Variants in GLIS3 observed in about 807,000 individuals in gnomAD.
GLIS3 encodes the protein zinc finger protein GLIS3.
Under a neutral mutation model 78.6 loss-of-function variants are expected in GLIS3, and 53 were observed. The ratio of observed to expected loss-of-function variants is 0.67; its 90% CI spans 0.54 to 0.85. GLIS3 has a LOEUF of 0.85. Among genes scored for constraint, GLIS3 ranks in the 40% least tolerant of loss-of-function variants. The pLI is 0.00. For synonymous variants in GLIS3, 684 were observed against 509.9 expected (o/e 1.34, Z -4.60); for missense variants, 1,703 against 1,231.1 (o/e 1.38, Z -5.74).
intron 4 of GLIS3, among the ~76,000 whole-genome samples, chr9:4,044,715 G>C (rs1159714985): frequency 6.6e-6 from 1 of 152,190 alleles, no homozygotes; most frequent in South Asian, 2.1e-4. Flanking sequence ...ACTGCTCACA[G>C]TACTGTCACA....
intron 7 of GLIS3, among the ~76,000 whole-genome samples, chr9:3,895,547 C>G (rs532475559): frequency 6.6e-6 from 1 of 152,148 alleles, no homozygotes; most frequent in African/African-American, 2.4e-5. Context: ...TAACCTGGGA[C>G]GCTATTATCT....
At chr9:4,365,092 C>A in the GLIS3 span, among the ~76,000 whole-genome samples, 1 of 152,094 alleles carries the variant, frequency 6.6e-6, no homozygotes, top group Admixed American at 6.5e-5. Context: ...TTCAGAGGAT[C>A]CTGTTCCTGG....
intron 2 of GLIS3, among the ~76,000 whole-genome samples, chr9:4,329,762 A>G (rs573066596): frequency 6.6e-6 from 1 of 152,204 alleles, no homozygotes; most frequent in South Asian, 2.1e-4. Context: ...TACCTCTAGC[A>G]ATGGGGAACT....
chr9:4,151,940 A>AATGAG (rs1252763416), intron 2 of GLIS3: 1 of 155,770 alleles, frequency 6.4e-6, no homozygotes, highest in Non-Finnish European at 1.4e-5. Context: ...CATAAAAAAG[A>AATGAG]ATGAGAAGAC....
At chr9:4,203,023 A>G (rs1342916144) in intron 2 of GLIS3, among the ~76,000 whole-genome samples, 1 of 152,242 alleles carries the variant, frequency 6.6e-6, no homozygotes, top group East Asian at 1.9e-4. Flanking sequence ...AATTATCAGC[A>G]AAGAGACAAC....
intron 6 of GLIS3, among the ~76,000 whole-genome samples, chr9:3,913,555 C>T (rs1475530586): frequency 6.6e-6 from 1 of 152,170 alleles, no homozygotes; most frequent in Non-Finnish European, 1.5e-5. Context: ...TGGCCACAAA[C>T]CTCCCTCATC....
At chr9:4,329,732 G>C (rs1817656484) in intron 2 of GLIS3, among the ~76,000 whole-genome samples, 1 of 152,042 alleles carries the variant, frequency 6.6e-6, no homozygotes, top group Non-Finnish European at 1.5e-5. Flanking sequence ...CGTGCCAGTA[G>C]CATCTACCCA....
chr9:4,025,074 A>T (rs1166329890), intron 4 of GLIS3, among the ~76,000 whole-genome samples: 1 of 151,636 alleles, frequency 6.6e-6, no homozygotes, highest in Admixed American at 6.6e-5. Flanking sequence ...AAATGGCGAG[A>T]CCCCCATCTC....
the GLIS3 span, among the ~76,000 whole-genome samples, chr9:4,482,183 A>G: frequency 1.3e-5 from 2 of 152,208 alleles, no homozygotes; most frequent in Non-Finnish European, 1.5e-5. Flanking sequence ...CTTTTCTTTC[A>G]TATCCTAAAA....
At chr9:4,279,348 C>CACAG (rs1554646492) in intron 2 of GLIS3, among the ~76,000 whole-genome samples, 2,586 of 64,840 alleles carry the variant, frequency 0.04, 88 homozygotes, top group Admixed American at 0.066. Flanking sequence ...CACACACACA[C>CACAG]ACACACACAC....
intron 2 of GLIS3, among the ~76,000 whole-genome samples, chr9:4,273,414 G>A (rs980700893): frequency 9.2e-5 from 14 of 151,926 alleles, no homozygotes; most frequent in Admixed American, 9.2e-4. Context: ...GGAAAACACA[G>A]GGAGACCCCA....
At chr9:4,375,898 C>T in the GLIS3 span, among the ~76,000 whole-genome samples, 1 of 152,148 alleles carries the variant, frequency 6.6e-6, no homozygotes. Context: ...ATCACAAGAG[C>T]AGGCATTAGA....
chr9:4,328,186 A>G (rs1261289096), intron 2 of GLIS3, among the ~76,000 whole-genome samples: 1 of 152,130 alleles, frequency 6.6e-6, no homozygotes, highest in African/African-American at 2.4e-5. Context: ...CTGCCCCAAG[A>G]CCCGAGACTG....
rs1443133249 is a variant in GLIS3 at position 3,898,697 on chromosome 9, A to G, written c.2122T>C (p.Tyr708His). ...CTGCCTTTGCTGTCTTTACCTGAAT[A>G]GAGGTCAGGCCCGGGTCCAGGGGAG... ...GRSPGPGPDL[Y>H]SAPIFSSNYS... Residue 708 changes from tyrosine to histidine, a missense_variant, in exon 7 of 11, where the codon TAT becomes CAT. By Grantham distance (83) the Tyr-to-His change is moderately conservative (BLOSUM62 2). Transcript: ENST00000381971. 1.9e-6 allele frequency: 3 copies of G among 1,614,158 alleles called. No individual in the cohort carries two copies. The highest frequency in any genetic ancestry group is 2.2e-5 in the East Asian group (1 of 44,870).
intron 2 of GLIS3, among the ~76,000 whole-genome samples, chr9:4,177,351 G>C (rs1816901315): frequency 6.6e-6 from 1 of 152,128 alleles, no homozygotes; most frequent in Non-Finnish European, 1.5e-5. Context: ...ACAGAATCAG[G>C]AGACCTAGAC....
Position 4,166,677 on chromosome 9 carries a change from G to A in GLIS3, c.389-40736C>T, listed in dbSNP as rs146358871. 2.6e-5 allele frequency among the ~76,000 whole-genome samples: 4 copies of A among 152,298 alleles called. No individual in the cohort carries two copies. In the East Asian group the frequency reaches 7.7e-4, roughly 29 times the overall value. On this transcript the variant is annotated intron_variant, in intron 2 of 10. Coordinates refer to ENST00000381971, the MANE Select transcript of GLIS3 (RefSeq NM_001042413.2). Reference sequence around the variant, plus strand: ...CAGTTGGCACTATTTATGATTTTCGGTGTTCTATAATTTCACTTAAGGATT... The same window carrying A: ...CAGTTGGCACTATTTATGATTTTCGATGTTCTATAATTTCACTTAAGGATT...
At chr9:4,090,477 G>C (rs542205562) in intron 4 of GLIS3, among the ~76,000 whole-genome samples, 3 of 151,936 alleles carry the variant, frequency 2.0e-5, no homozygotes, top group African/African-American at 7.3e-5. Flanking sequence ...AAATTAATGA[G>C]GCTCTCCAGG....
chr9:4,439,875 G>T, the GLIS3 span, among the ~76,000 whole-genome samples: 2 of 152,096 alleles, frequency 1.3e-5, no homozygotes, highest in Non-Finnish European at 2.9e-5. Context: ...CAGAGAAAAG[G>T]TTTCACCCTG....
Position 3,860,944 on chromosome 9 carries a change from T to C in GLIS3, c.2298-4760A>G, listed in dbSNP as rs142719851. Among the ~76,000 whole-genome samples the C allele has an allele frequency of 8.0e-4, 122 of 152,258 alleles. No homozygotes were observed. The Middle Eastern group carries it at 0.01, about 13-fold the overall frequency. On this transcript the variant is annotated intron_variant, in intron 8 of 10. Transcript: ENST00000381971. ...GGCAGTGAAGAAATTTAGTAAGCAA[T>C]GTATCTACTGGGCTAGAGGAAATGA...
Sources: allele counts gnomAD v4.1 joint callset (sites outside exome capture counted in the v4.1 genomes callset), GRCh38; gene constraint gnomAD v4.1.1; transcripts MANE v1.5; gene names NCBI Gene and HGNC (gene_info 2026-07-23, HGNC 2026-07-21).